FAT2: variants seen among roughly 807,000 people sequenced by gnomAD.
FAT2 encodes the protein FAT atypical cadherin 2, also known as protocadherin Fat 2.
Under a neutral mutation model 295.3 loss-of-function variants are expected in FAT2, and 150 were observed. The observed-to-expected ratio is 0.51, with a 90% CI of 0.44 to 0.58. FAT2 has a LOEUF of 0.58. Ranked by LOEUF, FAT2 falls within the 20% of genes least tolerant of loss-of-function variation. FAT2 has a pLI of 0.00. For missense variants in FAT2, 4,868 were observed against 5,442.7 expected (o/e 0.89, Z 3.32); for synonymous variants, 2,026 against 2,150.3 (o/e 0.94, Z 1.60).
chr5:151,544,347 G>C lies in FAT2; in HGVS notation c.6780C>G (p.Val2260=), dbSNP rs750217884. 3 of 1,614,078 alleles carry C rather than the reference G, an allele frequency of 1.9e-6. No homozygotes were observed. The highest frequency in any genetic ancestry group is 2.5e-6 in the Non-Finnish European group (3 of 1,180,048). Residue 2260 remains valine (V), a synonymous_variant, in exon 10 of 24, where the codon GTC becomes GTG. Coordinates refer to ENST00000261800, the MANE Select transcript of FAT2 (RefSeq NM_001447.3). ...LGSFSEATVE[V]LVEDVNDNPP... ...GGTTATCATTGACATCCTCCACTAG[G>C]ACTTCCACTGTGGCTTCAGAAAATG...
At chr5:151,559,170 T>C (rs1757911461) in intron 3 of FAT2, among the ~76,000 whole-genome samples, 1 of 152,156 alleles carries the variant, frequency 6.6e-6, no homozygotes, top group Non-Finnish European at 1.5e-5. Context: ...GTCATGGCAA[T>C]GGGAGTGTGG....
chr5:151,592,658 A>C (rs1759458333), upstream of FAT2, among the ~76,000 whole-genome samples: 1 of 152,202 alleles, frequency 6.6e-6, no homozygotes, highest in South Asian at 2.1e-4. Context: ...TATGTATCCC[A>C]AGGCAAATGA....
rs1013837490 is a variant in FAT2, at chr5:151,568,128, A to G, written c.804T>C (p.Asp268=). 3.7e-6 allele frequency: 6 copies of G among 1,614,068 alleles called. No homozygotes were observed. Among genetic ancestry groups the G allele is most frequent in the African/African-American group, 1.3e-5 (1 of 74,918 alleles). The change falls in exon 2 of 24, where the codon GAT becomes GAC. Residue 268 remains aspartate (D), a synonymous_variant. Coordinates refer to ENST00000261800, the MANE Select transcript of FAT2 (RefSeq NM_001447.3). ...SVVVTPPDSN[D]GTTYATVLVD... ...CCAGTACAGTGGCATAGGTGGTACC[A>G]TCATTGCTGTCTGGTGGAGTCACCA...
In FAT2 at chr5:151,544,064, C is replaced by T. The variant is rs2127608945; in HGVS notation, c.7063G>A (p.Gly2355Arg). The T allele has an allele frequency of 6.2e-7, 1 of 1,614,214 alleles. No individual in the cohort carries two copies. The highest frequency in any genetic ancestry group is 8.5e-7 in the Non-Finnish European group (1 of 1,180,044). Reference protein sequence around the residue: ...FHVKVRAMDKGDPPLTGETLV... With the variant: ...FHVKVRAMDKRDPPLTGETLV... Reference sequence around the variant, plus strand: ...GTTTCACCAGTGAGTGGGGGATCTCCTTTATCCATGGCCCTGACTTTCACA... The same window carrying T: ...GTTTCACCAGTGAGTGGGGGATCTCTTTTATCCATGGCCCTGACTTTCACA... The change falls in exon 10 of 24, where the codon GGA becomes AGA. Residue 2355 changes from glycine (G) to arginine (R), a missense_variant. This residue lies in a region of FAT2 where 3,297 missense variants were observed against 3,669.4 expected (regional missense o/e 0.90). Transcript: ENST00000261800.
chr5:151,586,533 T>G (rs545527116), intron 1 of FAT2, among the ~76,000 whole-genome samples: 1 of 152,314 alleles, frequency 6.6e-6, no homozygotes, highest in Non-Finnish European at 1.5e-5. Context: ...TATCAGGCAC[T>G]GTGGTCGGCC....
chr5:151,562,849 G>A (rs1386183591), intron 3 of FAT2, among the ~76,000 whole-genome samples: 2 of 152,194 alleles, frequency 1.3e-5, no homozygotes, highest in Admixed American at 6.5e-5. Flanking sequence ...TCCTGAGATG[G>A]TTGACAACAT....
In FAT2 at chr5:151,545,203, G is replaced by T. The variant is rs1756504927; in HGVS notation, c.5924C>A (p.Ala1975Glu). The T allele has an allele frequency of 1.9e-6, 3 of 1,614,184 alleles. No individual in the cohort carries two copies. Among genetic ancestry groups the T allele is most frequent in the Non-Finnish European group, 2.5e-6 (3 of 1,180,030 alleles). The change falls in exon 10 of 24, where the codon GCA becomes GAA. Residue 1975 changes from alanine (A) to glutamate (E), a missense_variant. Coordinates refer to ENST00000261800, the MANE Select transcript of FAT2 (RefSeq NM_001447.3). ...SLQFDQDVYWAAVKENLQDRK... is the reference protein window; with the variant it reads ...SLQFDQDVYWEAVKENLQDRK... ...GTCCTGCAAGTTCTCCTTCACAGCTGCCCAGTAGACATCCTGATCAAACTG... is the reference window on the plus strand; with the variant it reads ...GTCCTGCAAGTTCTCCTTCACAGCTTCCCAGTAGACATCCTGATCAAACTG...
intron 3 of FAT2, among the ~76,000 whole-genome samples, chr5:151,559,121 C>G (rs1016224094): frequency 6.6e-6 from 1 of 152,178 alleles, no homozygotes; most frequent in Admixed American, 6.5e-5. Context: ...GGGAGCTCAG[C>G]GAGGGGAACA....
At chr5:151,516,635 T>C (rs373921894) in intron 20 of FAT2, among the ~76,000 whole-genome samples, 4 of 152,236 alleles carry the variant, frequency 2.6e-5, no homozygotes, top group African/African-American at 9.6e-5. Flanking sequence ...AGCTATTATG[T>C]TTATGTTTAT....
At position 151,563,402 on chromosome 5, in the gene FAT2, G is replaced by C. The variant is rs1758111418; in HGVS notation, c.3497C>G (p.Ser1166Cys). 6.2e-7 allele frequency: 1 copy of C among 1,614,216 alleles called. No individual in the cohort carries two copies. The highest frequency in any genetic ancestry group is 8.5e-7 in the Non-Finnish European group (1 of 1,180,040). The change falls in exon 3 of 24, where the codon TCC becomes TGC. Residue 1166 changes from serine to cysteine, a missense_variant. Coordinates refer to ENST00000261800, the MANE Select transcript of FAT2 (RefSeq NM_001447.3). The stretch of plus-strand genomic sequence containing the variant: ...GAAGGTCAGCTTCCCTTTGGAGCTG[G>C]AGTCTGGGTCCCAGGCATCCAGTTG... ...VLQLDAWDPD[S>C]SSKGKLTFNI...
intron 1 of FAT2, among the ~76,000 whole-genome samples, chr5:151,573,519 T>A (rs894847571): frequency 1.3e-5 from 2 of 152,182 alleles, no homozygotes; most frequent in African/African-American, 4.8e-5. Flanking sequence ...CTGGGCGCAG[T>A]GGCATGTGCC....
In FAT2 at chr5:151,566,013, C is replaced by T; in HGVS notation, c.2919G>A (p.Arg973=). ...TGAGCGCCCCTGTCATCAGGTCCAC[C>T]CGGAAGGTCCCATGGGCGCCATCCA... ...VLMDGAHGTF[R]VDLMTGALIL... is the part of the protein sequence containing the mutation. Residue 973 remains arginine, a synonymous_variant, in exon 2 of 24, where the codon CGG becomes CGA. Transcript: ENST00000261800. 6.2e-7 allele frequency: 1 copy of T among 1,614,130 alleles called. No homozygotes were observed. Among genetic ancestry groups the T allele is most frequent in the East Asian group, 2.2e-5 (1 of 44,884 alleles).
Position 151,553,309 on chromosome 5 carries a change from G to C in FAT2, c.4024C>G (p.Pro1342Ala), listed in dbSNP as rs2127627529. Reference sequence around the variant, plus strand: ...TCAAAGGCCAGAGGGATGGAGGACGGCCGGGGCCAAGGGATCCACTCAATG... The same window carrying C: ...TCAAAGGCCAGAGGGATGGAGGACGCCCGGGGCCAAGGGATCCACTCAATG... The part of the protein sequence containing the change: ...LHIEWIPWPR[P>A]SSIPLAFDET... The change falls in exon 6 of 24, where the codon CCG becomes GCG. Residue 1342 changes from proline (P) to alanine (A), a missense_variant. Physicochemically the swap from Pro to Ala is conservative, Grantham distance 27. Around this residue, in one of 5 missense-constraint regions of FAT2, gnomAD observed 3,297 missense variants for 3,669.4 expected, o/e 0.90. Transcript: ENST00000261800. 6.2e-7 allele frequency: 1 copy of C among 1,614,270 alleles called. No individual in the cohort carries two copies. The highest frequency in any genetic ancestry group is 1.1e-5 in the South Asian group (1 of 91,088).
intron 1 of FAT2, among the ~76,000 whole-genome samples, chr5:151,587,405 C>T (rs1053826188): frequency 3.3e-5 from 5 of 152,148 alleles, no homozygotes; most frequent in Admixed American, 2.6e-4. Context: ...AGGTGTTCCC[C>T]ACCCAATTTA....
intron 10 of FAT2, among the ~76,000 whole-genome samples, chr5:151,541,178 C>A (rs975375111): frequency 2.4e-4 from 37 of 152,178 alleles, no homozygotes; most frequent in African/African-American, 8.0e-4. Flanking sequence ...TAACTAAGGA[C>A]CCACCCTAAG....
chr5:151,550,564 C>A, intron 8 of FAT2, 26 bp downstream of exon 8: 1 of 1,612,510 alleles, frequency 6.2e-7, no homozygotes, highest in African/African-American at 1.3e-5. Flanking sequence ...CAAACGTATT[C>A]TCACCAGATT....
Position 151,565,697 on chromosome 5 carries a change from C to A in FAT2, c.3235G>T (p.Ala1079Ser). ...CCTGTATCTTGGTTGATGCTGAAGG[C>A]TGCGAGTCCAGTGCCAGCACGCAGG... The part of the protein sequence containing the change: ...YFLRAGTGLA[A>S]FSINQDTGMI... Residue 1079 changes from alanine to serine, a missense_variant, in exon 2 of 24, where the codon GCC becomes TCC. Ala to Ser is a moderately conservative substitution (Grantham distance 99). This residue lies in a region of FAT2 where 3,297 missense variants were observed against 3,669.4 expected (regional missense o/e 0.90). Transcript: ENST00000261800. 1 of 1,369,238 alleles carries A rather than the reference C, an allele frequency of 7.3e-7. No individual in the cohort carries two copies. The allele number at this position is 1,369,238 out of a possible 1,614,324, so 84.8% of individuals were successfully genotyped here.
At chr5:151,593,944 A>T (rs898977521), upstream of FAT2, among the ~76,000 whole-genome samples, 1 of 152,154 alleles carries the variant, frequency 6.6e-6, no homozygotes, top group East Asian at 1.9e-4. Flanking sequence ...TGGAGGTTAC[A>T]GTGAGCCAAG....
intron 13 of FAT2, among the ~76,000 whole-genome samples, chr5:151,532,400 CACACA>C (rs895812804): frequency 6.7e-6 from 1 of 149,478 alleles, no homozygotes; most frequent in Non-Finnish European, 1.5e-5. Flanking sequence ...CACACACACA[CACACA>C]CACACACACA....
Sources: allele counts gnomAD v4.1 joint callset (sites outside exome capture counted in the v4.1 genomes callset), GRCh38; gene constraint gnomAD v4.1.1; regional missense constraint gnomAD v4.1.1; transcripts MANE v1.5; gene names NCBI Gene and HGNC (gene_info 2026-07-23, HGNC 2026-07-21).